Variants in HIVEP1 observed in about 807,000 individuals in gnomAD.
HIVEP1 encodes the protein zinc finger protein 40.
HIVEP1 carries 36 observed loss-of-function variants against 180.0 expected under a neutral mutation model. The ratio of observed to expected loss-of-function variants is 0.20; its 90% CI spans 0.15 to 0.26. The LOEUF (loss-of-function observed/expected upper bound fraction) is 0.26, where lower values mean the gene tolerates loss of function less well. Ranked by LOEUF, HIVEP1 falls within the 10% of genes least tolerant of loss-of-function variation. HIVEP1 has a pLI of 1.00. For synonymous variants in HIVEP1, 1,239 were observed against 1,239.0 expected (o/e 1.00, Z 0.00); for missense variants, 3,143 against 3,268.7 (o/e 0.96, Z 0.94).
the HIVEP1 span, among the ~76,000 whole-genome samples, chr6:12,197,219 G>T: frequency 2.9e-3 from 446 of 152,266 alleles, 2 homozygotes; most frequent in African/African-American, 0.011. Context: ...AGGCAAGAAC[G>T]ACTACTGGGA....
Position 12,089,196 on chromosome 6 carries a change from A to G in HIVEP1, c.53A>G (p.Glu18Gly), listed in dbSNP as rs1334791456. 4.5e-6 allele frequency: 7 copies of G among 1,551,260 alleles called. No individual in the cohort carries two copies. Among genetic ancestry groups the G allele is most frequent in the Non-Finnish European group, 6.2e-6 (7 of 1,129,224 alleles). ...CTGTTTTTCTTAGACAAAATTGAAG[A>G]AGCACAAAAAGAACTTAATGGGGCA... ...HPRNLRDKIE[E>G]AQKELNGAEV... is the part of the protein sequence containing the mutation. Residue 18 changes from glutamate (E) to glycine (G), a missense_variant, in exon 3 of 9, where the codon GAA becomes GGA. Glu to Gly is a moderately conservative substitution (Grantham distance 98). Around this residue, in one of 12 missense-constraint regions of HIVEP1, gnomAD observed 114 missense variants for 134.5 expected, o/e 0.85. Coordinates refer to ENST00000379388, the MANE Select transcript of HIVEP1 (RefSeq NM_002114.4).
chr6:12,190,275 A>G, the HIVEP1 span, among the ~76,000 whole-genome samples: 1 of 152,216 alleles, frequency 6.6e-6, no homozygotes. Flanking sequence ...AATAGAAAAT[A>G]AAAATGTTCA....
At chr6:12,058,770 A>T (rs1230905667) in intron 2 of HIVEP1, among the ~76,000 whole-genome samples, 2 of 152,154 alleles carry the variant, frequency 1.3e-5, no homozygotes, top group Non-Finnish European at 2.9e-5. Flanking sequence ...TGGTCTCTTG[A>T]TACAAGTCAC....
intron 2 of HIVEP1, among the ~76,000 whole-genome samples, chr6:12,017,567 C>T (rs561746904): frequency 6.6e-6 from 1 of 152,344 alleles, no homozygotes; most frequent in East Asian, 1.9e-4. Context: ...TGCTTTTATT[C>T]TCCCGTCTGG....
chr6:12,115,452 G>A (rs779161900), intron 3 of HIVEP1, among the ~76,000 whole-genome samples: 1 of 139,184 alleles, frequency 7.2e-6, no homozygotes, highest in Non-Finnish European at 1.5e-5. Context: ...CTTTCCTTTC[G>A]AAGCCCAGGT....
intron 2 of HIVEP1, among the ~76,000 whole-genome samples, chr6:12,050,006 G>A (rs937665128): frequency 1.3e-5 from 2 of 152,096 alleles, no homozygotes; most frequent in East Asian, 1.9e-4. Context: ...ATATATATCC[G>A]GAGGTGCTCA....
intron 7 of HIVEP1, among the ~76,000 whole-genome samples, chr6:12,139,228 T>A (rs532647191): frequency 8.6e-5 from 13 of 152,044 alleles, no homozygotes; most frequent in African/African-American, 2.9e-4. Context: ...GAGGCTCAGC[T>A]CCCCAACCTT....
intron 6 of HIVEP1, among the ~76,000 whole-genome samples, chr6:12,135,068 C>T (rs981064744): frequency 1.3e-5 from 2 of 152,262 alleles, no homozygotes; most frequent in South Asian, 2.1e-4. Flanking sequence ...TTATGGGAAT[C>T]GAGGCCAGAT....
At chr6:12,053,674 G>T (rs1268507590) in intron 2 of HIVEP1, among the ~76,000 whole-genome samples, 1 of 152,008 alleles carries the variant, frequency 6.6e-6, no homozygotes, top group African/African-American at 2.4e-5. Flanking sequence ...ATGCTCTGTT[G>T]GGGGCTGTGT....
chr6:12,032,139 C>CTTT (rs71877836), intron 2 of HIVEP1, among the ~76,000 whole-genome samples: 17 of 133,728 alleles, frequency 1.3e-4, no homozygotes, highest in African/African-American at 2.3e-4. Flanking sequence ...CACTGATAAC[C>CTTT]TTTTTTTTTT....
At chr6:12,161,413 A>AC in intron 7 of HIVEP1, 26 bp from the exon 8 acceptor site, 1 of 1,592,238 alleles carries the variant, frequency 6.3e-7, no homozygotes, top group Non-Finnish European at 8.6e-7. Context: ...GCATTCCATC[A>AC]CATACCTCTT....
intron 7 of HIVEP1, among the ~76,000 whole-genome samples, chr6:12,136,277 C>A (rs2113590657): frequency 6.6e-6 from 1 of 152,198 alleles, no homozygotes; most frequent in African/African-American, 2.4e-5. Flanking sequence ...CTTGAATTTC[C>A]TGCCTACTTA....
At chr6:12,126,629 G>C (rs547017010) in intron 4 of HIVEP1, among the ~76,000 whole-genome samples, 2 of 152,312 alleles carry the variant, frequency 1.3e-5, no homozygotes, top group South Asian at 4.1e-4. Flanking sequence ...GGCCTCTGCA[G>C]ATTCATAAGC....
the HIVEP1 span, among the ~76,000 whole-genome samples, chr6:12,186,232 A>G: frequency 6.6e-6 from 1 of 151,284 alleles, no homozygotes; most frequent in African/African-American, 2.4e-5. Flanking sequence ...GATTACTGGC[A>G]TATGTATTAA....
chr6:12,078,943 C>A (rs1230540054), intron 2 of HIVEP1, among the ~76,000 whole-genome samples: 1 of 151,874 alleles, frequency 6.6e-6, no homozygotes. Flanking sequence ...TGTGTGCGTG[C>A]GTGTATGCGT....
intron 2 of HIVEP1, among the ~76,000 whole-genome samples, chr6:12,065,947 C>G (rs905754908): frequency 3.3e-5 from 5 of 152,024 alleles, no homozygotes; most frequent in African/African-American, 1.2e-4. Flanking sequence ...TGGATATCCC[C>G]CAGTAGGGCC....
At chr6:12,020,148 A>G (rs1768090477) in intron 2 of HIVEP1, 4 of 347,820 alleles carry the variant, frequency 1.2e-5, no homozygotes, top group South Asian at 9.0e-5. Flanking sequence ...TGATCTGTAT[A>G]CTGTGTAGGA....
the HIVEP1 span, among the ~76,000 whole-genome samples, chr6:12,177,820 A>G: frequency 6.6e-6 from 1 of 152,236 alleles, no homozygotes; most frequent in Non-Finnish European, 1.5e-5. Context: ...CTCCCGTGTC[A>G]GTATTCAAAG....
intron 2 of HIVEP1, chr6:12,020,408 G>A (rs760061469): frequency 4.7e-5 from 22 of 471,002 alleles, no homozygotes; most frequent in South Asian, 7.7e-5. Context: ...TGGCTCTTCC[G>A]CATGGTCTTG....
Sources: gnomAD v4.1 joint callset for allele counts (sites outside exome capture counted in the v4.1 genomes callset) on GRCh38, gnomAD v4.1.1 for gene constraint, gnomAD v4.1.1 regional missense constraint, MANE v1.5 for transcripts, NCBI Gene and HGNC (gene_info 2026-07-23, HGNC 2026-07-21) for gene names.